PCDH7: variants seen among roughly 807,000 people sequenced by gnomAD.
PCDH7 encodes the protein protocadherin 7.
PCDH7 carries 17 observed loss-of-function variants against 58.9 expected under a neutral mutation model. The observed-to-expected ratio is 0.29, with a 90% CI of 0.20 to 0.43. The LOEUF (loss-of-function observed/expected upper bound fraction) is 0.43, where lower values mean the gene tolerates loss of function less well. PCDH7 is among the 20% of genes least tolerant of loss of function. The pLI, the probability that PCDH7 is intolerant of heterozygous loss-of-function variation, is 1.00. For synonymous variants in PCDH7, 664 were observed against 616.4 expected (o/e 1.08, Z -1.14); for missense variants, 1,274 against 1,441.0 (o/e 0.88, Z 1.88).
intron 1 of PCDH7, among the ~76,000 whole-genome samples, chr4:30,867,080 T>TG (rs1194655738): frequency 6.6e-6 from 1 of 152,032 alleles, no homozygotes; most frequent in African/African-American, 2.4e-5. Flanking sequence ...AATTAGAGAT[T>TG]GTTTGCCCAG....
intron 3 of PCDH7, among the ~76,000 whole-genome samples, chr4:31,027,844 G>A (rs1020795825): frequency 7.2e-5 from 11 of 152,104 alleles, no homozygotes; most frequent in African/African-American, 2.7e-4. Flanking sequence ...AAATTACTGT[G>A]TGTAACATTT....
At chr4:31,124,150 C>T (rs1208823870) in intron 3 of PCDH7, among the ~76,000 whole-genome samples, 2 of 152,148 alleles carry the variant, frequency 1.3e-5, no homozygotes, top group Admixed American at 6.6e-5. Flanking sequence ...AGTCCAGCCT[C>T]GAGGGTGGAG....
At chr4:30,770,713 A>G (rs1721294401) in intron 1 of PCDH7, among the ~76,000 whole-genome samples, 1 of 152,196 alleles carries the variant, frequency 6.6e-6, no homozygotes, top group Non-Finnish European at 1.5e-5. Context: ...ATGAAATGCA[A>G]CTTCCCCATT....
intron 3 of PCDH7, among the ~76,000 whole-genome samples, chr4:31,057,118 C>A (rs555134829): frequency 3.3e-5 from 5 of 152,130 alleles, no homozygotes; most frequent in South Asian, 2.1e-4. Flanking sequence ...TATTTGTAAA[C>A]CTGTGAGATC....
At chr4:31,010,643 T>C (rs1485157258) in intron 3 of PCDH7, among the ~76,000 whole-genome samples, 1 of 151,958 alleles carries the variant, frequency 6.6e-6, no homozygotes, top group Non-Finnish European at 1.5e-5. Flanking sequence ...ACTAAAGCAA[T>C]ATTCTTAAGC....
At chr4:30,855,967 C>T (rs930057951) in intron 1 of PCDH7, among the ~76,000 whole-genome samples, 3 of 152,108 alleles carry the variant, frequency 2.0e-5, no homozygotes, top group Admixed American at 2.0e-4. Context: ...TAATCATCAA[C>T]TGAATGCAGT....
At chr4:30,775,711 A>G (rs574421269) in intron 1 of PCDH7, among the ~76,000 whole-genome samples, 32 of 152,194 alleles carry the variant, frequency 2.1e-4, no homozygotes, top group African/African-American at 7.5e-4. Flanking sequence ...TTTGAGGCCA[A>G]CGTGGTGAAA....
At chr4:30,979,701 G>A (rs1388060304) in intron 3 of PCDH7, among the ~76,000 whole-genome samples, 4 of 151,818 alleles carry the variant, frequency 2.6e-5, no homozygotes, top group Non-Finnish European at 5.9e-5. Flanking sequence ...TCACTTAGAT[G>A]TTTTTTGATT....
At chr4:30,943,589 C>T (rs372605843) in intron 2 of PCDH7, among the ~76,000 whole-genome samples, 54 of 152,236 alleles carry the variant, frequency 3.5e-4, no homozygotes, top group Admixed American at 7.2e-4. Context: ...TAACCTCTTT[C>T]GCCTGCATCT....
At chr4:30,748,486 CAG>C (rs1360655982) in intron 1 of PCDH7, among the ~76,000 whole-genome samples, 1 of 152,154 alleles carries the variant, frequency 6.6e-6, no homozygotes, top group Non-Finnish European at 1.5e-5. Flanking sequence ...GCACATTAGA[CAG>C]AGAACAAATG....
At chr4:30,965,037 A>G (rs556044911) in intron 3 of PCDH7, among the ~76,000 whole-genome samples, 1 of 152,338 alleles carries the variant, frequency 6.6e-6, no homozygotes, top group East Asian at 1.9e-4. Context: ...AGAATCCATA[A>G]GAAATGAATA....
chr4:30,741,522 T>G (rs375182247), intron 1 of PCDH7, among the ~76,000 whole-genome samples: 13 of 152,168 alleles, frequency 8.5e-5, no homozygotes, highest in African/African-American at 3.1e-4. Flanking sequence ...ATTGCCACCA[T>G]TGCATTTTTT....
intron 2 of PCDH7, among the ~76,000 whole-genome samples, chr4:30,939,717 T>A (rs573478390): frequency 2.0e-5 from 3 of 152,232 alleles, no homozygotes; most frequent in Admixed American, 2.0e-4. Flanking sequence ...ATTCCTGTAA[T>A]GCCTAGTAAA....
intron 1 of PCDH7, among the ~76,000 whole-genome samples, chr4:30,856,243 G>A (rs542859237): frequency 6.9e-4 from 104 of 151,560 alleles, no homozygotes; most frequent in African/African-American, 2.5e-3. Flanking sequence ...TTCTATCTTT[G>A]CTAAGTCACT....
chr4:31,145,731 T>G (rs939084858), downstream of PCDH7: 1 of 152,158 alleles, frequency 6.6e-6, no homozygotes, highest in African/African-American at 2.4e-5. Flanking sequence ...GGCATTAATA[T>G]GGGCTGCTTA....
At chr4:30,978,223 G>A (rs1043211115) in intron 3 of PCDH7, among the ~76,000 whole-genome samples, 8 of 152,164 alleles carry the variant, frequency 5.3e-5, no homozygotes, top group African/African-American at 1.9e-4. Context: ...CAGGATAAAT[G>A]ATTTTTCAGT....
chr4:31,082,255 G>A (rs187914123), intron 3 of PCDH7, among the ~76,000 whole-genome samples: 1 of 152,142 alleles, frequency 6.6e-6, no homozygotes, highest in African/African-American at 2.4e-5. Context: ...CTTATTTCCT[G>A]TTCTAACAAA....
At chr4:30,837,625 G>GT (rs1410546264) in intron 1 of PCDH7, among the ~76,000 whole-genome samples, 2 of 151,820 alleles carry the variant, frequency 1.3e-5, no homozygotes, top group Non-Finnish European at 2.9e-5. Context: ...TGTTTCATTT[G>GT]TTTTTGAGTT....
rs12331699 is a variant in PCDH7 at position 30,940,947 on chromosome 4, G to A, written c.288-9173G>A. Among the ~76,000 whole-genome samples the A allele has an allele frequency of 3.4e-3, 518 of 151,954 alleles. 4 individuals carry two copies. The highest frequency in any genetic ancestry group is 0.012 in the African/African-American group (494 of 41,500). On this transcript the variant is annotated intron_variant, in intron 2 of 3. Transcript: ENST00000509759. ...AATATATACATACATAATGAAATGAGATATATGCTTTGAGGGAATAGCACT... is the reference window on the plus strand; with the variant it reads ...AATATATACATACATAATGAAATGAAATATATGCTTTGAGGGAATAGCACT...
Sources: gnomAD v4.1 joint callset for allele counts (sites outside exome capture counted in the v4.1 genomes callset) on GRCh38, gnomAD v4.1.1 for gene constraint, MANE v1.5 for transcripts, NCBI Gene and HGNC (gene_info 2026-07-23, HGNC 2026-07-21) for gene names.